Variants in PADI1 observed in about 807,000 individuals in gnomAD.
The protein encoded by PADI1 is protein-arginine deiminase type-1.
Under a neutral mutation model 74.8 loss-of-function variants are expected in PADI1, and 65 were observed. That is an observed-to-expected ratio of 0.87 (90% CI 0.71 to 1.07). The LOEUF (loss-of-function observed/expected upper bound fraction) is 1.07, where lower values mean the gene tolerates loss of function less well. Among genes scored for constraint, PADI1 ranks in the 50% least tolerant of loss-of-function variants. The probability of loss-of-function intolerance (pLI) is 0.00; values close to 1 mark genes in which losing one functional copy is unlikely to be tolerated. For missense variants in PADI1, 943 were observed against 854.0 expected (o/e 1.10, Z -1.30); for synonymous variants, 371 against 336.2 (o/e 1.10, Z -1.13).
At chr1:17,224,580 T>A in intron 4 of PADI1, 152 bp downstream of exon 4, 1 of 662,422 alleles carries the variant, frequency 1.5e-6, no homozygotes, top group South Asian at 1.8e-5. Context: ...ACAGCAAAAT[T>A]GGCATGAGTG....
intron 1 of PADI1, among the ~76,000 whole-genome samples, chr1:17,211,553 C>T (rs1405158607): frequency 2.6e-5 from 4 of 152,196 alleles, no homozygotes; most frequent in African/African-American, 9.6e-5. Context: ...TTTGCAGACA[C>T]GCGGAGACAC....
At chr1:17,218,353 C>A (rs974344067) in intron 1 of PADI1, among the ~76,000 whole-genome samples, 2 of 151,596 alleles carry the variant, frequency 1.3e-5, no homozygotes, top group African/African-American at 4.9e-5. Flanking sequence ...GCATAAGAAC[C>A]CCCCCACTCC....
chr1:17,229,984 A>G (rs1383448904), intron 8 of PADI1, 101 bp from the exon 9 acceptor site: 11 of 1,102,404 alleles, frequency 1.0e-5, no homozygotes, highest in Non-Finnish European at 1.3e-5. Flanking sequence ...GAACCCCTGT[A>G]CCCCAGAGGC....
At chr1:17,236,525 TG>T (rs756902425) in intron 11 of PADI1, among the ~76,000 whole-genome samples, 1 of 151,984 alleles carries the variant, frequency 6.6e-6, no homozygotes, top group Non-Finnish European at 1.5e-5. Flanking sequence ...GAGGCCGAGG[TG>T]GGGGGGTCGC....
chr1:17,243,875 G>C, intron 15 of PADI1, 135 bp from the exon 16 acceptor site: 2 of 634,894 alleles, frequency 3.2e-6, no homozygotes, highest in Non-Finnish European at 5.6e-6. Flanking sequence ...GCAAACTCCA[G>C]TCCTAGAGCC....
intron 4 of PADI1, among the ~76,000 whole-genome samples, chr1:17,224,934 A>G (rs939842823): frequency 2.6e-5 from 4 of 152,104 alleles, no homozygotes; most frequent in African/African-American, 7.2e-5. Context: ...GGTACAATTT[A>G]AAGGGAAAGA....
At chr1:17,217,147 C>A (rs942580176) in intron 1 of PADI1, among the ~76,000 whole-genome samples, 2 of 152,000 alleles carry the variant, frequency 1.3e-5, no homozygotes, top group African/African-American at 4.8e-5. Context: ...GGGATTCTGC[C>A]CGTTGCCGAT....
At chr1:17,215,633 T>A (rs1449615868) in intron 1 of PADI1, among the ~76,000 whole-genome samples, 1 of 152,088 alleles carries the variant, frequency 6.6e-6, no homozygotes, top group Non-Finnish European at 1.5e-5. Context: ...CTCTTGGAAC[T>A]CATGGGCCAG....
intron 15 of PADI1, among the ~76,000 whole-genome samples, chr1:17,243,118 G>T (rs1183893891): frequency 6.6e-6 from 1 of 152,208 alleles, no homozygotes; most frequent in Non-Finnish European, 1.5e-5. Flanking sequence ...GCCCTCTAGA[G>T]AGAAGGTCCG....
At chr1:17,238,439 T>C (rs1002027940) in intron 12 of PADI1, among the ~76,000 whole-genome samples, 177 bp from the exon 13 acceptor site, 7 of 152,066 alleles carry the variant, frequency 4.6e-5, no homozygotes, top group African/African-American at 1.7e-4. Context: ...GTTCTGGAGG[T>C]GGGAACCTGC....
At chr1:17,232,561 A>C (rs1006624) in intron 10 of PADI1, among the ~76,000 whole-genome samples, 350 of 152,282 alleles carry the variant, frequency 2.3e-3, no homozygotes, top group Non-Finnish European at 4.1e-3. Flanking sequence ...TGATCCATGG[A>C]TTCTTTAGAT....
chr1:17,205,268 C>A lies in PADI1; in HGVS notation c.51C>A (p.Ala17=). 1 of 1,613,800 alleles carries A rather than the reference C, an allele frequency of 6.2e-7. No individual in the cohort carries two copies. Among genetic ancestry groups the A allele is most frequent in the South Asian group, 1.1e-5 (1 of 91,054 alleles). ...TGTCCCTGAAGATGCCTACCCATGC[C>A]GTGTGTGTGGTGGGAGTCGAGGCAC... The part of the protein sequence containing the change: ...VQLSLKMPTH[A]VCVVGVEAHV... The change falls in exon 1 of 16, where the codon GCC becomes GCA. Residue 17 remains alanine (A), a synonymous_variant. Transcript: ENST00000375471.
chr1:17,212,610 G>C (rs544047426), intron 1 of PADI1, among the ~76,000 whole-genome samples: 1 of 152,196 alleles, frequency 6.6e-6, no homozygotes, highest in South Asian at 2.1e-4. Flanking sequence ...CCAGTGGGCC[G>C]AGGCTTCTGG....
chr1:17,216,597 G>A (rs138925537), intron 1 of PADI1, among the ~76,000 whole-genome samples: 2,253 of 152,290 alleles, frequency 0.015, 18 homozygotes, highest in Non-Finnish European at 0.023. Flanking sequence ...AGGGCTGGGC[G>A]CAGTGGCTCA....
chr1:17,232,980 T>G lies in PADI1; in HGVS notation c.1313+10T>G, dbSNP rs756860458. The G allele has an allele frequency of 3.1e-6, 5 of 1,593,982 alleles. No homozygotes were observed. Among genetic ancestry groups the G allele is most frequent in the Non-Finnish European group, 4.3e-6 (5 of 1,171,948 alleles). On this transcript the variant is annotated intron_variant, in intron 11 of 15. Transcript: ENST00000375471. ...GGAGCAGCTTCCCCAAGTGAGGGGC[T>G]GGGGCGGGAGGTGGGGAGGCACAAG...
At chr1:17,235,864 G>A (rs915387475) in intron 11 of PADI1, among the ~76,000 whole-genome samples, 3 of 152,164 alleles carry the variant, frequency 2.0e-5, no homozygotes, top group Middle Eastern at 3.2e-3. Flanking sequence ...AAGGGTGCAG[G>A]GGTCTGCTCT....
intron 15 of PADI1, among the ~76,000 whole-genome samples, chr1:17,243,702 T>G (rs892542388): frequency 5.3e-5 from 8 of 152,268 alleles, no homozygotes; most frequent in African/African-American, 1.9e-4. Flanking sequence ...TGCTATAATA[T>G]GACAATTTTC....
intron 2 of PADI1, among the ~76,000 whole-genome samples, chr1:17,223,234 G>A (rs1038651478): frequency 4.6e-5 from 7 of 152,312 alleles, no homozygotes; most frequent in Admixed American, 1.3e-4. Context: ...TGGAGTGGGG[G>A]TTCTCATTCC....
At chr1:17,216,862 G>T (rs3115789) in intron 1 of PADI1, among the ~76,000 whole-genome samples, 57,418 of 151,696 alleles carry the variant, frequency 0.38, 12,708 homozygotes, top group African/African-American at 0.62. Flanking sequence ...AGAGCACGAC[G>T]TTGTCTCAAA....
Sources: allele counts gnomAD v4.1 joint callset (sites outside exome capture counted in the v4.1 genomes callset), GRCh38; gene constraint gnomAD v4.1.1; transcripts MANE v1.5; gene names NCBI Gene and HGNC (gene_info 2026-07-23, HGNC 2026-07-21).